The following CHI3L1 variants were observed in gnomAD, a reference collection of about 807,000 sequenced individuals.
CHI3L1 encodes the protein chitinase-3-like protein 1.
A neutral mutation model predicts 40.7 loss-of-function variants in CHI3L1; 30 were observed. That is an observed-to-expected ratio of 0.74 (90% CI 0.55 to 1.00). The LOEUF is 1.00. CHI3L1 is among the 50% of genes least tolerant of loss of function. The pLI, the probability that CHI3L1 is intolerant of heterozygous loss-of-function variation, is 0.00. For missense variants in CHI3L1, 493 were observed against 492.2 expected (o/e 1.00, Z -0.01); for synonymous variants, 210 against 192.1 (o/e 1.09, Z -0.77).
At chr1:203,179,688 C>T (rs775359723) in intron 9 of CHI3L1, 73 bp downstream of exon 9, 3 of 1,614,072 alleles carry the variant, frequency 1.9e-6, no homozygotes, top group Non-Finnish European at 2.5e-6. Flanking sequence ...GTGCAAGGGA[C>T]AGGAATCTGG....
At chr1:203,182,638 C>T in intron 6 of CHI3L1, 93 bp downstream of exon 6, 1 of 1,453,214 alleles carries the variant, frequency 6.9e-7, no homozygotes. Context: ...GCCCAGTGTC[C>T]TCAGTCTACA....
At position 203,181,298 on chromosome 1, in the gene CHI3L1, G is replaced by C; in HGVS notation, c.588-13C>G. On this transcript the variant is annotated splice_polypyrimidine_tract_variant and intron_variant, in intron 6 of 9. Transcript: ENST00000255409. ...GAAATCCAGGTGTCTGAGGAGGAAG[G>C]GGATGGAGGGTGAGGCAGGAAATTA... is the stretch of plus-strand genomic sequence containing the variant. The C allele has an allele frequency of 1.2e-6, 2 of 1,613,242 alleles. No homozygotes were observed. Among genetic ancestry groups the C allele is most frequent in the Non-Finnish European group, 1.7e-6 (2 of 1,179,512 alleles).
chr1:203,186,626 T>G lies in CHI3L1; in HGVS notation c.-3A>C. ...GTTTGAGACGCCTTCACACCCATTC[T>G]GGCTGCAGCAGAGCAGGGCAGGGTG... On this transcript the variant is annotated 5_prime_UTR_variant, in exon 1 of 10. Coordinates refer to ENST00000255409, the MANE Select transcript of CHI3L1 (RefSeq NM_001276.4). The G allele has an allele frequency of 6.2e-7, 1 of 1,614,182 alleles. No homozygotes were observed. Among genetic ancestry groups the G allele is most frequent in the Non-Finnish European group, 8.5e-7 (1 of 1,180,040 alleles).
chr1:203,186,196 T>C (rs1456573995), intron 2 of CHI3L1, 120 bp downstream of exon 2: 7 of 1,057,564 alleles, frequency 6.6e-6, no homozygotes, highest in Middle Eastern at 4.0e-4. Context: ...TATTTCGAAG[T>C]CATTGGAAGC....
chr1:203,182,989 G>A, intron 5 of CHI3L1, 137 bp from the exon 6 acceptor site: 1 of 870,658 alleles, frequency 1.1e-6, no homozygotes, highest in South Asian at 1.7e-5. Flanking sequence ...AAGTGATAAA[G>A]TGGCTCATCA....
At chr1:203,185,889 C>T (rs926012453) in intron 2 of CHI3L1, among the ~76,000 whole-genome samples, 5 of 152,122 alleles carry the variant, frequency 3.3e-5, no homozygotes, top group Non-Finnish European at 5.9e-5. Context: ...GTAACCCACC[C>T]GGAATGGCAG....
Position 203,183,631 on chromosome 1 carries a change from T to A in CHI3L1, c.465+10A>T. ...CCCACCTCCCTCCCTGTCCCTGACCTGACCAGCACCTTGATTAGGGTGGTA... is the reference window on the plus strand; with the variant it reads ...CCCACCTCCCTCCCTGTCCCTGACCAGACCAGCACCTTGATTAGGGTGGTA... On this transcript the variant is annotated intron_variant, in intron 5 of 9. Coordinates refer to ENST00000255409, the MANE Select transcript of CHI3L1 (RefSeq NM_001276.4). 1 of 1,613,974 alleles carries A rather than the reference T, an allele frequency of 6.2e-7. No homozygotes were observed. Among genetic ancestry groups the A allele is most frequent in the Non-Finnish European group, 8.5e-7 (1 of 1,179,976 alleles).
chr1:203,185,794 C>A (rs979654647), intron 2 of CHI3L1, among the ~76,000 whole-genome samples: 2 of 152,158 alleles, frequency 1.3e-5, no homozygotes, highest in African/African-American at 4.8e-5. Flanking sequence ...AGGCTGGCAC[C>A]TTTAGTGACC....
chr1:203,181,412 G>T, intron 6 of CHI3L1, 127 bp from the exon 7 acceptor site: 1 of 1,013,884 alleles, frequency 9.9e-7, no homozygotes, highest in Non-Finnish European at 1.4e-6. Context: ...CATGAGGTGA[G>T]GAGTTCAAGA....
chr1:203,185,829 G>T (rs559424423), intron 2 of CHI3L1, among the ~76,000 whole-genome samples: 75 of 152,258 alleles, frequency 4.9e-4, no homozygotes, highest in African/African-American at 1.7e-3. Context: ...TCATCCATGA[G>T]GGACTCTGGC....
At position 203,185,243 on chromosome 1, in the gene CHI3L1, G is replaced by C; in HGVS notation, c.198C>G (p.Ile66Met). 2 of 1,614,196 alleles carry C rather than the reference G, an allele frequency of 1.2e-6. No homozygotes were observed. The highest frequency in any genetic ancestry group is 2.2e-5 in the South Asian group (2 of 91,088). ...YSFANISNDH[I>M]DTWEWNDVTL... ...TCACATCATTCCACTCCCAGGTGTC[G>C]ATGTGATCGTTGCTTATATTGGCAA... is the stretch of plus-strand genomic sequence containing the variant. Residue 66 changes from isoleucine to methionine, a missense_variant, in exon 3 of 10, where the codon ATC becomes ATG. Transcript: ENST00000255409.
chr1:203,179,122 T>C lies in CHI3L1; in HGVS notation c.*323A>G, dbSNP rs1655870694. On this transcript the variant is annotated 3_prime_UTR_variant, in exon 10 of 10. Coordinates refer to ENST00000255409, the MANE Select transcript of CHI3L1 (RefSeq NM_001276.4). ...AGCTTGCCAAAATGGTGTCCTTTGA[T>C]AAGGAGGGCTGGGGGGCAGGGAGTT... is the stretch of plus-strand genomic sequence containing the variant. The C allele has an allele frequency of 4.6e-6, 1 of 218,688 alleles. No individual in the cohort carries two copies. 13.5% of individuals were successfully genotyped at this position (218,688 alleles called of 1,614,324 possible).
chr1:203,180,575 C>T lies in CHI3L1; in HGVS notation c.789G>A (p.Arg263=), dbSNP rs1196265145. The change falls in exon 8 of 10, where the codon AGG becomes AGA. Residue 263 remains arginine (R), a synonymous_variant. Transcript: ENST00000255409. ...TCTCAGAAGAAGCCAGAGTGAAGCT[C>T]CTCCCGAAGGTGGGGATGCCCATCA... ...KLVMGIPTFG[R]SFTLASSETG... The T allele has an allele frequency of 2.5e-6, 4 of 1,612,268 alleles. No individual in the cohort carries two copies. Among genetic ancestry groups the T allele is most frequent in the Non-Finnish European group, 3.4e-6 (4 of 1,179,502 alleles).
intron 7 of CHI3L1, 120 bp from the exon 8 acceptor site, chr1:203,180,772 T>G (rs1170130661): frequency 6.9e-6 from 5 of 720,428 alleles, no homozygotes; most frequent in Non-Finnish European, 1.1e-5. Context: ...GATTCCCCTG[T>G]CCCTCCGGGA....
rs756333525 is a variant in CHI3L1, at chr1:203,179,540, C to A, written c.1057G>T (p.Ala353Ser). 1.9e-6 allele frequency: 3 copies of A among 1,606,860 alleles called. No homozygotes were observed. Among genetic ancestry groups the A allele is most frequent in the Non-Finnish European group, 2.6e-6 (3 of 1,174,350 alleles). Residue 353 changes from alanine (A) to serine (S), a missense_variant, in exon 10 of 10, where the codon GCC (alanine) becomes TCC (serine). By Grantham distance (99) the Ala-to-Ser change is moderately conservative. Transcript: ENST00000255409. ...DRQLAGAMVW[A>S]LDLDDFQGSF... ...CCCTGGAAGTCATCCAGGTCCAGGGCCCATACCATGGCGCCCGCCAGCTGC... is the reference window on the plus strand; with the variant it reads ...CCCTGGAAGTCATCCAGGTCCAGGGACCATACCATGGCGCCCGCCAGCTGC...
intron 5 of CHI3L1, among the ~76,000 whole-genome samples, 181 bp from the exon 6 acceptor site, chr1:203,183,033 T>G (rs1239662897): frequency 6.6e-6 from 1 of 152,086 alleles, no homozygotes; most frequent in Non-Finnish European, 1.5e-5. Context: ...ATCCTTTTCC[T>G]AAAAAACTGA....
intron 8 of CHI3L1, chr1:203,180,117 T>A (rs1655902706): frequency 1.7e-6 from 1 of 577,976 alleles, no homozygotes; most frequent in Non-Finnish European, 3.1e-6. Context: ...ATGTGAGGCC[T>A]GCTGGTTGAC....
chr1:203,182,914 G>A lies in CHI3L1; in HGVS notation c.466-62C>T. 5.7e-6 allele frequency: 9 copies of A among 1,572,986 alleles called. No homozygotes were observed. The South Asian group carries it at 9.0e-5, about 16-fold the overall frequency. ...AAGTGGCATGAGAGGTAGACTCATC[G>A]AGGGCGGACTAGGTCTCTGCGCAAC... On this transcript the variant is annotated intron_variant, in intron 5 of 9. Coordinates refer to ENST00000255409, the MANE Select transcript of CHI3L1 (RefSeq NM_001276.4).
chr1:203,179,710 G>A (rs549780563), intron 9 of CHI3L1, 51 bp downstream of exon 9: 41 of 1,614,054 alleles, frequency 2.5e-5, no homozygotes, highest in East Asian at 6.7e-5. Context: ...TGCTGGGAGC[G>A]GGGCCTCCTT....
Sources: allele counts gnomAD v4.1 joint callset (sites outside exome capture counted in the v4.1 genomes callset), GRCh38; gene constraint gnomAD v4.1.1; transcripts MANE v1.5; gene names NCBI Gene and HGNC (gene_info 2026-07-23, HGNC 2026-07-21).